Variants in FSTL5 observed in about 807,000 individuals in gnomAD.
The protein encoded by FSTL5 is follistatin-related protein 5.
A neutral mutation model predicts 89.1 loss-of-function variants in FSTL5; 62 were observed. The observed-to-expected ratio is 0.70, with a 90% CI of 0.57 to 0.86. The LOEUF is 0.86. FSTL5 is among the 40% of genes least tolerant of loss of function. The pLI is 0.00. For synonymous variants in FSTL5, 383 were observed against 346.2 expected, an observed-to-expected ratio of 1.11 and a Z score of -1.18; for missense variants, 1,057 against 1,001.6, an observed-to-expected ratio of 1.06 and a Z score of -0.75.
chr4:161,962,487 T>C (rs780934038), intron 3 of FSTL5, among the ~76,000 whole-genome samples: 7 of 151,958 alleles, frequency 4.6e-5, no homozygotes, highest in African/African-American at 9.7e-5. Context: ...TTGAGAACAA[T>C]AGTACTTCCT....
chr4:162,137,644 G>A (rs2111471883), intron 1 of FSTL5, among the ~76,000 whole-genome samples: 1 of 152,222 alleles, frequency 6.6e-6, no homozygotes, highest in Non-Finnish European at 1.5e-5. Flanking sequence ...TTCTTTGGCA[G>A]TAGACATTTG....
intron 3 of FSTL5, among the ~76,000 whole-genome samples, chr4:162,003,267 T>C (rs1166307131): frequency 6.6e-6 from 1 of 151,452 alleles, no homozygotes; most frequent in African/African-American, 2.4e-5. Context: ...ATTTTCTGTG[T>C]GCCAGATGCT....
intron 2 of FSTL5, among the ~76,000 whole-genome samples, chr4:162,106,376 G>A (rs926084997): frequency 1.3e-5 from 2 of 152,122 alleles, no homozygotes; most frequent in Admixed American, 6.6e-5. Flanking sequence ...CCTCAAGCCT[G>A]ACTTTGATTA....
chr4:161,581,979 C>A (rs972505459), intron 8 of FSTL5, among the ~76,000 whole-genome samples: 12 of 152,282 alleles, frequency 7.9e-5, no homozygotes, highest in African/African-American at 2.2e-4. Context: ...GAAATGAAAT[C>A]CCCTGGTAGA....
chr4:161,436,429 C>T (rs1241585586), intron 15 of FSTL5, among the ~76,000 whole-genome samples: 1 of 152,134 alleles, frequency 6.6e-6, no homozygotes, highest in Admixed American at 6.6e-5. Flanking sequence ...GTTCAATTTT[C>T]TTGGCAAACT....
chr4:161,921,025 G>A lies in FSTL5; in HGVS notation c.161-373C>T, dbSNP rs116490352. Among the ~76,000 whole-genome samples the A allele has an allele frequency of 4.2e-3, 646 of 152,184 alleles. 2 individuals carry two copies. Among genetic ancestry groups the A allele is most frequent in the African/African-American group, 0.015 (627 of 41,520 alleles). On this transcript the variant is annotated intron_variant, in intron 3 of 15. Coordinates refer to ENST00000306100, the MANE Select transcript of FSTL5 (RefSeq NM_020116.5). ...TGCCAAGTTGTCCCATCTGTAACAT[G>A]GGAATAATAGTATGGACCATCTCTA...
At chr4:161,849,880 T>A (rs138679610) in intron 4 of FSTL5, among the ~76,000 whole-genome samples, 1 of 152,294 alleles carries the variant, frequency 6.6e-6, no homozygotes, top group African/African-American at 2.4e-5. Flanking sequence ...TTCTTTGATA[T>A]CACCACTGCT....
intron 4 of FSTL5, among the ~76,000 whole-genome samples, chr4:161,846,925 G>A (rs1005587055): frequency 2.0e-5 from 3 of 152,080 alleles, no homozygotes; most frequent in Admixed American, 2.0e-4. Context: ...TATGTAATTT[G>A]AATATAATTC....
chr4:161,874,788 A>G (rs1732386935), intron 4 of FSTL5, among the ~76,000 whole-genome samples: 2 of 152,112 alleles, frequency 1.3e-5, no homozygotes, highest in African/African-American at 2.4e-5. Context: ...AAACAAATTA[A>G]TGTATTTTAG....
intron 8 of FSTL5, among the ~76,000 whole-genome samples, chr4:161,562,737 A>G (rs1370026175): frequency 6.6e-6 from 1 of 151,978 alleles, no homozygotes; most frequent in African/African-American, 2.4e-5. Flanking sequence ...TTTTAAGTAT[A>G]CAGTGCAGTG....
rs144531373 is a variant in FSTL5, at chr4:161,803,306, C to T, written c.410-27232G>A. On this transcript the variant is annotated intron_variant, in intron 4 of 15. Coordinates refer to ENST00000306100, the MANE Select transcript of FSTL5 (RefSeq NM_020116.5). ...TACAAGTTCTTGTAGACAAATAATACACAATCTATATTGTCTTTAATATCT... is the reference window on the plus strand; with the variant it reads ...TACAAGTTCTTGTAGACAAATAATATACAATCTATATTGTCTTTAATATCT... Among the ~76,000 whole-genome samples the T allele has an allele frequency of 1.4e-3, 209 of 152,038 alleles. 1 individual carries two copies. The highest frequency in any genetic ancestry group is 4.7e-3 in the African/African-American group (194 of 41,544).
At chr4:161,928,943 T>G (rs1001878814) in intron 3 of FSTL5, among the ~76,000 whole-genome samples, 1 of 151,808 alleles carries the variant, frequency 6.6e-6, no homozygotes, top group Non-Finnish European at 1.5e-5. Context: ...TCCTTTGTTA[T>G]TGTAACTAAA....
At chr4:161,904,401 A>G (rs1045062393) in intron 4 of FSTL5, among the ~76,000 whole-genome samples, 1 of 152,068 alleles carries the variant, frequency 6.6e-6, no homozygotes. Context: ...GGAATGTTCT[A>G]TTATCTCAAA....
At chr4:161,592,316 T>C (rs1472714693) in intron 7 of FSTL5, among the ~76,000 whole-genome samples, 1 of 152,122 alleles carries the variant, frequency 6.6e-6, no homozygotes, top group Non-Finnish European at 1.5e-5. Context: ...GGGGTACATA[T>C]GCAGAATGTA....
chr4:161,844,828 T>C (rs1025523351), intron 4 of FSTL5, among the ~76,000 whole-genome samples: 3 of 152,030 alleles, frequency 2.0e-5, no homozygotes, highest in Admixed American at 1.3e-4. Flanking sequence ...AAATACCTAA[T>C]GTAGATGACA....
chr4:161,797,868 T>C (rs1656287454), intron 4 of FSTL5, among the ~76,000 whole-genome samples: 1 of 151,646 alleles, frequency 6.6e-6, no homozygotes, highest in African/African-American at 2.4e-5. Flanking sequence ...ATGCAAAATA[T>C]CTTTAGCCAA....
intron 6 of FSTL5, among the ~76,000 whole-genome samples, chr4:161,678,930 C>T (rs185061469): frequency 2.1e-3 from 313 of 151,442 alleles, no homozygotes; most frequent in African/African-American, 6.9e-3. Flanking sequence ...TATCAAATGG[C>T]GATATCATTA....
intron 13 of FSTL5, 123 bp downstream of exon 13, chr4:161,480,897 T>C (rs1729479748): frequency 1.6e-6 from 1 of 638,202 alleles, no homozygotes; most frequent in African/African-American, 1.9e-5. Flanking sequence ...ATGCATAAAT[T>C]TTCTAGTTAT....
intron 6 of FSTL5, among the ~76,000 whole-genome samples, chr4:161,737,658 A>G (rs1739865231): frequency 6.6e-6 from 1 of 152,048 alleles, no homozygotes; most frequent in Non-Finnish European, 1.5e-5. Flanking sequence ...AAATCAACAA[A>G]TACAGTTTAC....
Sources: allele counts gnomAD v4.1 joint callset (sites outside exome capture counted in the v4.1 genomes callset), GRCh38; gene constraint gnomAD v4.1.1; transcripts MANE v1.5; gene names NCBI Gene and HGNC (gene_info 2026-07-23, HGNC 2026-07-21).